The following NEGR1 variants were observed in gnomAD, a reference collection of about 807,000 sequenced individuals.
NEGR1 encodes IgLON family member 4.
In NEGR1, 10 loss-of-function variants were observed where a neutral mutation model predicts 40.9. That is an observed-to-expected ratio of 0.24 (90% CI 0.15 to 0.42). The LOEUF is 0.42. Among genes scored for constraint, NEGR1 ranks in the 10% least tolerant of loss-of-function variants. NEGR1 has a pLI of 1.00. For synonymous variants in NEGR1, 185 were observed against 166.8 expected (o/e 1.11, Z -0.84); for missense variants, 352 against 438.9 (o/e 0.80, Z 1.77).
chr1:71,611,248 ATCT>A (rs1191631349), intron 4 of NEGR1, 102 bp from the exon 5 acceptor site: 12 of 1,066,270 alleles, frequency 1.1e-5, no homozygotes, highest in Non-Finnish European at 1.5e-5. Flanking sequence ...ATTCAAAGCA[ATCT>A]TATGCCTGAT....
chr1:71,517,711 T>G (rs1219939547), intron 6 of NEGR1, among the ~76,000 whole-genome samples: 1 of 110,004 alleles, frequency 9.1e-6, no homozygotes, highest in Non-Finnish European at 1.8e-5. Flanking sequence ...AACATAGTGT[T>G]GGAAGTTCTG....
chr1:71,707,770 C>G (rs1653952604), intron 3 of NEGR1, among the ~76,000 whole-genome samples: 1 of 152,174 alleles, frequency 6.6e-6, no homozygotes, highest in Non-Finnish European at 1.5e-5. Context: ...GCTTGTGTCA[C>G]TGTATCCCCA....
In NEGR1 at chr1:72,279,154, T is replaced by G. The variant is rs1430083006; in HGVS notation, c.176+3165A>C. On this transcript the variant is annotated intron_variant, in intron 1 of 6. Transcript: ENST00000357731. ...GTGGAATGTCATCATAAATCCTGTA[T>G]TTAAGCTAAACAGAAAAGATGATTT... 2.0e-5 allele frequency among the ~76,000 whole-genome samples: 3 copies of G among 152,246 alleles called. No homozygotes were observed. The East Asian group carries it at 5.8e-4, about 29-fold the overall frequency.
chr1:71,748,607 A>G (rs925400484), intron 3 of NEGR1, among the ~76,000 whole-genome samples: 1 of 152,162 alleles, frequency 6.6e-6, no homozygotes, highest in East Asian at 1.9e-4. Flanking sequence ...ATATTTACTT[A>G]TAATATTTCA....
intron 5 of NEGR1, among the ~76,000 whole-genome samples, chr1:71,596,270 C>T (rs654735): frequency 0.88 from 133,378 of 152,194 alleles, 60,482 homozygotes; most frequent in Non-Finnish European, 1. Flanking sequence ...TGCTCCACAT[C>T]GAGAACCATA....
intron 4 of NEGR1, among the ~76,000 whole-genome samples, chr1:71,689,575 A>C (rs1354090376): frequency 2.6e-5 from 4 of 152,226 alleles, no homozygotes; most frequent in African/African-American, 7.2e-5. Flanking sequence ...TCATTGATTT[A>C]TAGGTAAATA....
chr1:71,926,796 G>T (rs537343805), intron 2 of NEGR1, among the ~76,000 whole-genome samples: 92 of 152,148 alleles, frequency 6.0e-4, no homozygotes, highest in African/African-American at 2.2e-3. Flanking sequence ...TTGATCTAAA[G>T]TATTGTTCTA....
intron 6 of NEGR1, among the ~76,000 whole-genome samples, chr1:71,416,591 A>C (rs1343252946): frequency 2.0e-5 from 3 of 152,192 alleles, no homozygotes; most frequent in Non-Finnish European, 4.4e-5. Flanking sequence ...AGTTCTTCTC[A>C]ATGATTCTCT....
At chr1:71,738,755 C>T (rs972336102) in intron 3 of NEGR1, among the ~76,000 whole-genome samples, 4 of 152,086 alleles carry the variant, frequency 2.6e-5, no homozygotes, top group Non-Finnish European at 2.9e-5. Context: ...TTGGTTCGAG[C>T]ACTGATATGT....
At chr1:72,124,454 G>A (rs1461643427) in intron 1 of NEGR1, among the ~76,000 whole-genome samples, 2 of 151,872 alleles carry the variant, frequency 1.3e-5, no homozygotes, top group Non-Finnish European at 2.9e-5. Flanking sequence ...CAAGGCAACA[G>A]AACAGCCAAA....
intron 6 of NEGR1, among the ~76,000 whole-genome samples, chr1:71,435,369 TAGAA>T (rs1375996936): frequency 2.0e-5 from 3 of 152,044 alleles, no homozygotes; most frequent in African/African-American, 7.2e-5. Context: ...TTGATAATTT[TAGAA>T]AGAGAGTTGG....
chr1:71,481,366 T>C (rs1646852724), intron 6 of NEGR1, among the ~76,000 whole-genome samples: 3 of 151,934 alleles, frequency 2.0e-5, no homozygotes, highest in Non-Finnish European at 4.4e-5. Context: ...ATAACCATTC[T>C]CTTTACACAA....
intron 4 of NEGR1, among the ~76,000 whole-genome samples, chr1:71,626,776 C>T (rs1332834987): frequency 6.6e-6 from 1 of 152,020 alleles, no homozygotes; most frequent in Non-Finnish European, 1.5e-5. Context: ...CCAGAATCTA[C>T]AATGAACTCA....
chr1:71,792,752 C>T lies in NEGR1; in HGVS notation c.410-16455G>A, dbSNP rs76802916. Among the ~76,000 whole-genome samples, 97 of 152,260 alleles carry T rather than the reference C, an allele frequency of 6.4e-4. 1 individual carries two copies. In the East Asian group the frequency reaches 0.016, roughly 26 times the overall value. The stretch of plus-strand genomic sequence containing the variant: ...GTTTCCATCAGGCTGGAAGCTGTAA[C>T]ACTCAAATGGTACCTTCAGGAACTA... On this transcript the variant is annotated intron_variant, in intron 2 of 6. Coordinates refer to ENST00000357731, the MANE Select transcript of NEGR1 (RefSeq NM_173808.3).
chr1:71,679,046 G>A (rs1285064560), intron 4 of NEGR1, among the ~76,000 whole-genome samples: 1 of 152,092 alleles, frequency 6.6e-6, no homozygotes, highest in Non-Finnish European at 1.5e-5. Context: ...TGACGTGGAG[G>A]AATTGAAAAT....
chr1:71,617,601 T>C (rs1189952966), intron 4 of NEGR1, among the ~76,000 whole-genome samples: 1 of 152,198 alleles, frequency 6.6e-6, no homozygotes, highest in African/African-American at 2.4e-5. Flanking sequence ...GGTTTCACTA[T>C]TCGGGTCAAA....
At chr1:72,209,613 G>T (rs1423499322) in intron 1 of NEGR1, among the ~76,000 whole-genome samples, 1 of 151,672 alleles carries the variant, frequency 6.6e-6, no homozygotes, top group South Asian at 2.1e-4. Context: ...TTTTATTTTT[G>T]TACTACCGAT....
At chr1:72,006,422 T>C (rs10493491) in intron 1 of NEGR1, among the ~76,000 whole-genome samples, 25,139 of 152,108 alleles carry the variant, frequency 0.17, 2,829 homozygotes, top group East Asian at 0.44. Flanking sequence ...ATGTAATATA[T>C]GTTCTATCAG....
chr1:71,934,179 C>T (rs1445343176), intron 2 of NEGR1, among the ~76,000 whole-genome samples: 26 of 151,940 alleles, frequency 1.7e-4, no homozygotes, highest in Admixed American at 1.7e-3. Context: ...TCTAAACAAC[C>T]AACACACGAT....
Sources: allele counts gnomAD v4.1 joint callset (sites outside exome capture counted in the v4.1 genomes callset), GRCh38; gene constraint gnomAD v4.1.1; transcripts MANE v1.5; gene names NCBI Gene and HGNC (gene_info 2026-07-23, HGNC 2026-07-21).